ZNF75D: variants seen among roughly 807,000 people sequenced by gnomAD.
ZNF75D encodes zinc finger protein 75.
Under a neutral mutation model 33.3 loss-of-function variants are expected in ZNF75D, and 33 were observed. The ratio of observed to expected loss-of-function variants is 0.99; its 90% confidence interval spans 0.75 to 1.32. The LOEUF is 1.32. Ranked by LOEUF, ZNF75D falls within the 40% of genes most tolerant of loss-of-function variation. The pLI, the probability that ZNF75D is intolerant of heterozygous loss-of-function variation, is 0.00. For synonymous variants in ZNF75D, 113 were observed against 130.6 expected, an observed-to-expected ratio of 0.87 and a Z score of 0.92; for missense variants, 338 against 367.5, an observed-to-expected ratio of 0.92 and a Z score of 0.66.
chrX:135,261,143 T>A (rs922539151), intron 1 of ZNF75D, among the ~76,000 whole-genome samples: 1 of 112,771 alleles, frequency 8.9e-6, no homozygotes, highest in Non-Finnish European at 1.9e-5. Flanking sequence ...CTAATTTGAT[T>A]GCACTGTGGT....
At chrX:135,259,432 G>A (rs868982583) in intron 1 of ZNF75D, among the ~76,000 whole-genome samples, 3 of 112,058 alleles carry the variant, frequency 2.7e-5, no homozygotes, top group Non-Finnish European at 5.6e-5. Flanking sequence ...CATGAGCATG[G>A]AATGTTCTTC....
intron 1 of ZNF75D, among the ~76,000 whole-genome samples, chrX:135,257,060 G>C (rs1353253667): frequency 9.0e-6 from 1 of 111,700 alleles, no homozygotes; most frequent in Non-Finnish European, 1.9e-5. Context: ...TGGGCCTTGG[G>C]CTCTGAGGCG....
Position 135,287,597 on chromosome X carries a change from C to T in ZNF75D, c.1073G>A (p.Gly358Asp), listed in dbSNP as rs782685687. Residue 358 changes from glycine (G) to aspartate (D), a missense_variant, in exon 7 of 7, where the codon GGC (glycine) becomes GAC (aspartate). Transcript: ENST00000370766. ...LPKLMDLHGKGPTGEKPFKCQ... is the reference protein window; with the variant it reads ...LPKLMDLHGKDPTGEKPFKCQ... ...CTTAAAAGGTTTCTCCCCTGTGGGG[C>T]CTTTCCCATGAAGATCCATAAGTTT... 1 of 1,209,908 alleles carries T rather than the reference C, an allele frequency of 8.3e-7. No individual in the cohort carries two copies. The highest frequency in any genetic ancestry group is 1.8e-5 in the South Asian group (1 of 56,590).
chrX:135,265,424 A>T (rs1232837751), intron 1 of ZNF75D, among the ~76,000 whole-genome samples: 2 of 111,263 alleles, frequency 1.8e-5, no homozygotes, highest in Admixed American at 1.9e-4. Flanking sequence ...AAGCTCTCAG[A>T]GGTCAAATAT....
At chrX:135,267,659 T>C (rs781978387) in intron 1 of ZNF75D, among the ~76,000 whole-genome samples, 25 of 110,944 alleles carry the variant, frequency 2.3e-4, no homozygotes, top group South Asian at 1.1e-3. Flanking sequence ...GGACACAATA[T>C]TCCAGTGCTG....
chrX:135,302,292 C>T (rs2084228263), intron 1 of ZNF75D, among the ~76,000 whole-genome samples: 2 of 112,217 alleles, frequency 1.8e-5, no homozygotes, highest in Admixed American at 9.4e-5. Context: ...CTTAAACTGG[C>T]CAGAATCAGT....
At chrX:135,315,497 CT>C (rs782014058) in intron 1 of ZNF75D, among the ~76,000 whole-genome samples, 2 of 112,066 alleles carry the variant, frequency 1.8e-5, no homozygotes, top group Non-Finnish European at 1.9e-5. Context: ...GTCACTTCTT[CT>C]TTGTCTAGAT....
intron 1 of ZNF75D, among the ~76,000 whole-genome samples, chrX:135,299,537 T>C (rs1344983992): frequency 1.8e-5 from 2 of 112,308 alleles, no homozygotes; most frequent in African/African-American, 6.5e-5. Context: ...AAGCCAGACA[T>C]ATAATTTGCA....
intron 1 of ZNF75D, among the ~76,000 whole-genome samples, chrX:135,312,956 T>A (rs1471301143): frequency 8.9e-6 from 1 of 112,121 alleles, no homozygotes; most frequent in African/African-American, 3.2e-5. Context: ...AGGTTATCTC[T>A]CCACTCAATG....
Position 135,287,055 on chromosome X carries a change from TCA to T in ZNF75D, c.*80_*81del, listed in dbSNP as rs1243520423. 4.9e-6 allele frequency: 4 copies of T among 814,542 alleles called. No individual in the cohort carries two copies. The highest frequency in any genetic ancestry group is 3.6e-6 in the Non-Finnish European group (2 of 559,169). The allele number at this position is 814,542 out of a possible 1,213,427, so 67.1% of individuals were successfully genotyped here. A position where few individuals can be genotyped will look rare whatever the true frequency, so the allele number is the denominator to read the frequency against. ...GTACCCTTCCCAAATGTTTTATTAA[TCA>T]CAGATTCCTATCATTGGGTGCCTCA... On this transcript the variant is annotated 3_prime_UTR_variant, in exon 7 of 7. Coordinates refer to ENST00000370766, the MANE Select transcript of ZNF75D (RefSeq NM_007131.5).
chrX:135,318,866 T>A (rs1255875828), intron 1 of ZNF75D, among the ~76,000 whole-genome samples: 2 of 111,834 alleles, frequency 1.8e-5, no homozygotes. Flanking sequence ...AAAAAGTAAA[T>A]ATTTCATAAT....
intron 1 of ZNF75D, among the ~76,000 whole-genome samples, chrX:135,263,097 C>T (rs2083849286): frequency 8.9e-6 from 1 of 112,709 alleles, no homozygotes; most frequent in African/African-American, 3.2e-5. Flanking sequence ...CCACTCCAGA[C>T]CCTGTTTGCC....
chrX:135,341,576 A>G (rs2084785209), intron 1 of ZNF75D, among the ~76,000 whole-genome samples, 192 bp downstream of exon 1: 1 of 112,253 alleles, frequency 8.9e-6, no homozygotes, highest in African/African-American at 3.2e-5. Flanking sequence ...CAACTGACAG[A>G]ATCCTCATAC....
intron 1 of ZNF75D, among the ~76,000 whole-genome samples, chrX:135,332,848 C>G (rs1219945666): frequency 4.5e-5 from 5 of 111,703 alleles, no homozygotes; most frequent in African/African-American, 1.6e-4. Flanking sequence ...GGAATGAACT[C>G]TCACTATTCA....
chrX:135,319,264 G>C (rs2084465992), intron 1 of ZNF75D, among the ~76,000 whole-genome samples: 1 of 112,589 alleles, frequency 8.9e-6, no homozygotes, highest in Non-Finnish European at 1.9e-5. Flanking sequence ...TCCTTGCGAA[G>C]CATGCTTGCT....
chrX:135,292,543 A>G, intron 3 of ZNF75D, 70 bp from the exon 4 acceptor site: 1 of 981,764 alleles, frequency 1.0e-6, no homozygotes, highest in Non-Finnish European at 1.4e-6. Flanking sequence ...GGAGGGAGGA[A>G]CAAGAGCAGA....
At chrX:135,332,902 T>C (rs1468423315) in intron 1 of ZNF75D, among the ~76,000 whole-genome samples, 4 of 111,955 alleles carry the variant, frequency 3.6e-5, no homozygotes, top group Non-Finnish European at 5.6e-5. Flanking sequence ...CTGGGTAGGC[T>C]GGAGACCAGA....
chrX:135,283,291 C>T (rs1362900835), downstream of ZNF75D, among the ~76,000 whole-genome samples: 5 of 111,844 alleles, frequency 4.5e-5, no homozygotes, highest in African/African-American at 1.6e-4. Context: ...TGCATGAACC[C>T]ACAATGGTAG....
At chrX:135,336,667 C>A (rs1293975312) in intron 1 of ZNF75D, among the ~76,000 whole-genome samples, 2 of 112,217 alleles carry the variant, frequency 1.8e-5, no homozygotes, top group African/African-American at 6.5e-5. Flanking sequence ...TATCCGGGGC[C>A]TTTAGCCCTG....
Sources: allele counts gnomAD v4.1 joint callset (sites outside exome capture counted in the v4.1 genomes callset), GRCh38; gene constraint gnomAD v4.1.1; transcripts MANE v1.5; gene names NCBI Gene and HGNC (gene_info 2026-07-23, HGNC 2026-07-21).